Variants in DMD observed in about 807,000 individuals in gnomAD.
The protein encoded by DMD is dystrophin.
DMD carries 63 observed loss-of-function variants against 330.1 expected under a neutral mutation model. That is an observed-to-expected ratio of 0.19 (90% CI 0.16 to 0.24). The LOEUF is 0.24. Ranked by LOEUF, DMD falls within the 10% of genes least tolerant of loss-of-function variation. The pLI is 1.00. For missense variants in DMD, 3,344 were observed against 2,684.1 expected (o/e 1.25, Z -5.43); for synonymous variants, 1,223 against 959.8 (o/e 1.27, Z -5.07).
intron 19 of DMD, among the ~76,000 whole-genome samples, chrX:32,498,197 G>A (rs970005146): frequency 3.6e-5 from 4 of 110,779 alleles, no homozygotes; most frequent in African/African-American, 1.3e-4. Flanking sequence ...ACATATTGAC[G>A]GTAAGCTGCA....
chrX:31,707,733 T>C, intron 52 of DMD, among the ~76,000 whole-genome samples: 1 of 111,805 alleles, frequency 8.9e-6, no homozygotes, highest in Non-Finnish European at 1.9e-5. Flanking sequence ...GGCCTTTATC[T>C]AACTGTCTGA....
intron 53 of DMD, among the ~76,000 whole-genome samples, chrX:31,672,109 C>T (rs1173494451): frequency 8.9e-6 from 1 of 111,905 alleles, no homozygotes; most frequent in Non-Finnish European, 1.9e-5. Flanking sequence ...ATTTTTATTT[C>T]CATTTATCTC....
intron 1 of DMD, among the ~76,000 whole-genome samples, chrX:33,101,209 TAC>T (rs2095235009): frequency 8.9e-6 from 1 of 112,362 alleles, no homozygotes; most frequent in Admixed American, 9.5e-5. Flanking sequence ...GCTAGGAAAA[TAC>T]AGTTTTTGGA....
chrX:31,265,616 T>C (rs1218667348), intron 62 of DMD, among the ~76,000 whole-genome samples: 1 of 110,867 alleles, frequency 9.0e-6, no homozygotes, highest in Non-Finnish European at 1.9e-5. Context: ...CAAACAATGA[T>C]GACTGAAACC....
chrX:31,254,658 C>T (rs1031628504), intron 63 of DMD, among the ~76,000 whole-genome samples: 2 of 111,678 alleles, frequency 1.8e-5, no homozygotes, highest in Non-Finnish European at 1.9e-5. Context: ...AGCCACTGTG[C>T]CCAGCCTAAA....
chrX:31,567,901 C>T (rs774998361), intron 55 of DMD, among the ~76,000 whole-genome samples: 7 of 111,353 alleles, frequency 6.3e-5, no homozygotes, highest in African/African-American at 2.3e-4. Context: ...CTTAAGGAAG[C>T]TTAATCTTTA....
chrX:32,349,191 T>C (rs147010029), intron 37 of DMD, among the ~76,000 whole-genome samples: 1,327 of 111,566 alleles, frequency 0.012, 34 homozygotes, highest in African/African-American at 0.041. Flanking sequence ...ATGACCAGTC[T>C]AAGAAAACTT....
chrX:31,473,717 A>AAAAAAAAAAAG (rs2067504129), intron 59 of DMD, among the ~76,000 whole-genome samples: 1 of 108,178 alleles, frequency 9.2e-6, no homozygotes, highest in African/African-American at 3.4e-5. Context: ...GTCTCAAAAA[A>AAAAAAAAAAAG]AAAAAAAAAA....
intron 2 of DMD, among the ~76,000 whole-genome samples, chrX:32,887,955 C>T (rs970074418): frequency 1.0e-4 from 11 of 108,938 alleles, no homozygotes; most frequent in Non-Finnish European, 1.9e-4. Context: ...TCTCCTGCTC[C>T]ATGAGTTGTC....
chrX:32,831,586 GAAGGA>G (rs2079149547), intron 4 of DMD, among the ~76,000 whole-genome samples: 1 of 109,204 alleles, frequency 9.2e-6, no homozygotes, highest in Non-Finnish European at 1.9e-5. Context: ...GGGCAGAGCA[GAAGGA>G]GAGAGAGAAG....
intron 9 of DMD, among the ~76,000 whole-genome samples, chrX:32,693,057 T>C (rs779093796): frequency 9.0e-6 from 1 of 111,616 alleles, no homozygotes; most frequent in South Asian, 3.8e-4. Context: ...CTCTTAAAAG[T>C]AGATGTAGGG....
chrX:32,357,410 G>C (rs1338834077), intron 37 of DMD, among the ~76,000 whole-genome samples: 1 of 111,186 alleles, frequency 9.0e-6, no homozygotes, highest in Non-Finnish European at 1.9e-5. Context: ...CTCCACTCCA[G>C]ACCTAGTGAG....
intron 44 of DMD, among the ~76,000 whole-genome samples, chrX:31,986,228 T>C (rs1189096526): frequency 9.0e-6 from 1 of 111,118 alleles, no homozygotes; most frequent in Non-Finnish European, 1.9e-5. Flanking sequence ...CATTTTAAAA[T>C]GACATATAAA....
chrX:33,174,241 G>A (rs1401989859), intron 1 of DMD, among the ~76,000 whole-genome samples: 1 of 109,898 alleles, frequency 9.1e-6, no homozygotes, highest in African/African-American at 3.3e-5. Context: ...AGGGTGGTCA[G>A]GTAAAAGGAA....
intron 44 of DMD, among the ~76,000 whole-genome samples, chrX:32,086,066 A>C (rs775089312): frequency 8.9e-6 from 1 of 112,362 alleles, no homozygotes; most frequent in Non-Finnish European, 1.9e-5. Flanking sequence ...CAATGCACTA[A>C]GAAGCCAGAC....
chrX:33,039,651 T>TTATC (rs2094264840), intron 1 of DMD, among the ~76,000 whole-genome samples: 1 of 111,523 alleles, frequency 9.0e-6, no homozygotes, highest in South Asian at 3.8e-4. Context: ...AAAATATCAC[T>TTATC]TATCTACTAC....
At chrX:32,133,637 C>G (rs2096710383) in intron 44 of DMD, among the ~76,000 whole-genome samples, 1 of 111,194 alleles carries the variant, frequency 9.0e-6, no homozygotes, top group African/African-American at 3.3e-5. Context: ...TTATCCCTTC[C>G]AGTTAATCAG....
intron 49 of DMD, among the ~76,000 whole-genome samples, chrX:31,823,783 A>G (rs2092827906): frequency 9.0e-6 from 1 of 110,637 alleles, no homozygotes; most frequent in Admixed American, 9.6e-5. Flanking sequence ...CATGTTGCCC[A>G]GGCTGGTCTC....
chrX:32,048,806 C>G (rs1430564984), intron 44 of DMD, among the ~76,000 whole-genome samples: 1 of 111,060 alleles, frequency 9.0e-6, no homozygotes, highest in Non-Finnish European at 1.9e-5. Flanking sequence ...TGAATGACTA[C>G]TGAGATTTAC....
Sources: allele counts gnomAD v4.1 joint callset (sites outside exome capture counted in the v4.1 genomes callset), GRCh38; gene constraint gnomAD v4.1.1; transcripts MANE v1.5; gene names NCBI Gene and HGNC (gene_info 2026-07-23, HGNC 2026-07-21).